RAD50: variants seen among roughly 807,000 people sequenced by gnomAD.
RAD50 encodes the protein DNA repair protein RAD50.
RAD50 carries 132 observed loss-of-function variants against 168.8 expected under a neutral mutation model. That is an observed-to-expected ratio of 0.78 (90% CI 0.68 to 0.90). RAD50 has a LOEUF of 0.90. Ranked by LOEUF, RAD50 falls within the 40% of genes least tolerant of loss-of-function variation. The pLI is 0.00. For synonymous variants in RAD50, 525 were observed against 497.4 expected (o/e 1.06, Z -0.74); for missense variants, 1,347 against 1,534.4 (o/e 0.88, Z 2.04).
chr5:132,609,033 C>G, intron 17 of RAD50, 84 bp from the exon 18 acceptor site: 1 of 1,555,342 alleles, frequency 6.4e-7, no homozygotes, highest in Admixed American at 1.9e-5. Flanking sequence ...ATGTTCATAA[C>G]TTCCCAGCCA....
chr5:132,621,184 G>A (rs769117511), intron 21 of RAD50, among the ~76,000 whole-genome samples: 1 of 152,070 alleles, frequency 6.6e-6, no homozygotes, highest in Non-Finnish European at 1.5e-5. Context: ...TATCACCTTG[G>A]AACATGTTAG....
At chr5:132,578,620 G>A (rs988773810) in intron 3 of RAD50, among the ~76,000 whole-genome samples, 35 of 133,816 alleles carry the variant, frequency 2.6e-4, no homozygotes, top group African/African-American at 9.6e-4. Context: ...CAACCTCACC[G>A]AGTTCAAGTG....
intron 2 of RAD50, among the ~76,000 whole-genome samples, chr5:132,559,928 A>G (rs1467228980): frequency 6.6e-6 from 1 of 152,184 alleles, no homozygotes. Context: ...AAAAAGTATC[A>G]TGATAAAAAT....
chr5:132,580,291 A>G (rs770293380), intron 5 of RAD50, among the ~76,000 whole-genome samples: 1 of 152,182 alleles, frequency 6.6e-6, no homozygotes, highest in Non-Finnish European at 1.5e-5. Flanking sequence ...CTTGTATACT[A>G]AATAGGTAGT....
intron 19 of RAD50, among the ~76,000 whole-genome samples, chr5:132,613,741 C>T (rs982279188): frequency 2.6e-5 from 4 of 151,658 alleles, no homozygotes; most frequent in East Asian, 1.9e-4. Context: ...GGGCTACAGG[C>T]GAGTGCCACC....
chr5:132,640,356 A>G (rs1393537298), intron 23 of RAD50, among the ~76,000 whole-genome samples: 1 of 152,178 alleles, frequency 6.6e-6, no homozygotes, highest in Admixed American at 6.5e-5. Context: ...TTACAGATAA[A>G]TGGCATTGTC....
intron 11 of RAD50, among the ~76,000 whole-genome samples, 174 bp from the exon 12 acceptor site, chr5:132,594,695 G>C (rs113141212): frequency 1.9e-4 from 29 of 152,248 alleles, no homozygotes; most frequent in African/African-American, 4.3e-4. Flanking sequence ...AGTGTCCTAG[G>C]GGGAGAGTTA....
intron 22 of RAD50, 81 bp from the exon 23 acceptor site, chr5:132,638,000 C>G: frequency 6.8e-7 from 1 of 1,460,856 alleles, no homozygotes; most frequent in African/African-American, 1.4e-5. Flanking sequence ...TCTGTTGTTC[C>G]TAGGCTTACT....
intron 13 of RAD50, among the ~76,000 whole-genome samples, chr5:132,597,613 A>C (rs1750813735): frequency 6.6e-6 from 1 of 152,224 alleles, no homozygotes; most frequent in African/African-American, 2.4e-5. Flanking sequence ...GTTTGGAAGC[A>C]GACTTTGTAG....
chr5:132,608,975 G>T, intron 17 of RAD50, 142 bp from the exon 18 acceptor site: 1 of 1,305,020 alleles, frequency 7.7e-7, no homozygotes, highest in Non-Finnish European at 1.0e-6. Flanking sequence ...GTGAGAAAGG[G>T]ACTTGTCTGC....
intron 13 of RAD50, among the ~76,000 whole-genome samples, chr5:132,597,732 A>T (rs1750815947): frequency 6.6e-6 from 1 of 152,228 alleles, no homozygotes; most frequent in African/African-American, 2.4e-5. Flanking sequence ...CTGAGAAATA[A>T]TAAGTGCTGT....
At position 132,594,998 on chromosome 5, in the gene RAD50, T is replaced by G. The variant is rs2149843755; in HGVS notation, c.1923T>G (p.Asp641Glu). The G allele has an allele frequency of 6.2e-7, 1 of 1,613,918 alleles. No homozygotes were observed. The highest frequency in any genetic ancestry group is 8.5e-7 in the Non-Finnish European group (1 of 1,179,806). The change falls in exon 12 of 25, where the codon GAT becomes GAG. Residue 641 changes from aspartate to glutamate, a missense_variant. This residue lies in a region of RAD50 where 703 missense variants were observed against 767.7 expected (regional missense o/e 0.92). Transcript: ENST00000378823. ...GTGGTAGCCAGGATTTTGAAAGTGA[T>G]TTAGACAGGCTTAAAGAGGAAATTG... ...DVCGSQDFES[D>E]LDRLKEEIEK...
At chr5:132,566,648 A>C (rs1750213522) in intron 2 of RAD50, among the ~76,000 whole-genome samples, 2 of 152,204 alleles carry the variant, frequency 1.3e-5, no homozygotes, top group South Asian at 2.1e-4. Flanking sequence ...TAAAGACAAA[A>C]TAATTCTTCT....
chr5:132,587,431 C>T (rs1750612236), intron 5 of RAD50, 131 bp from the exon 6 acceptor site: 1 of 1,348,438 alleles, frequency 7.4e-7, no homozygotes, highest in Non-Finnish European at 9.9e-7. Flanking sequence ...GCCTGCTCTA[C>T]AGTGTTATTG....
intron 19 of RAD50, among the ~76,000 whole-genome samples, chr5:132,611,084 T>C (rs1378417282): frequency 6.6e-6 from 1 of 152,148 alleles, no homozygotes. Flanking sequence ...TTGCTGAAGA[T>C]TCTAGTAGTC....
At chr5:132,619,152 G>T (rs917256698) in intron 21 of RAD50, among the ~76,000 whole-genome samples, 1 of 152,048 alleles carries the variant, frequency 6.6e-6, no homozygotes, top group African/African-American at 2.4e-5. Context: ...GACATTTGGG[G>T]TTTTTTTCCA....
chr5:132,618,245 A>G lies in RAD50; in HGVS notation c.3340A>G (p.Thr1114Ala), dbSNP rs746752117. The G allele has an allele frequency of 1.2e-6, 2 of 1,613,922 alleles. No homozygotes were observed. Among genetic ancestry groups the G allele is most frequent in the Non-Finnish European group, 1.7e-6 (2 of 1,179,960 alleles). The change falls in exon 21 of 25, where the codon ACA becomes GCA. Residue 1114 changes from threonine (T) to alanine (A), a missense_variant. Physicochemically the swap from Thr to Ala is moderately conservative, Grantham distance 58. Around this residue, in one of 3 missense-constraint regions of RAD50, gnomAD observed 635 missense variants for 739.2 expected, o/e 0.86. Coordinates refer to ENST00000378823, the MANE Select transcript of RAD50 (RefSeq NM_005732.4). The stretch of plus-strand genomic sequence containing the variant: ...AGAAATGATGATTGTTATGAGGACA[A>G]CAGAACTTGTGAACAAGGATCTGGA... ...YREMMIVMRT[T>A]ELVNKDLDIY...
intron 19 of RAD50, among the ~76,000 whole-genome samples, chr5:132,609,652 C>T (rs1412263175): frequency 2.0e-5 from 3 of 151,990 alleles, no homozygotes; most frequent in Non-Finnish European, 2.9e-5. Context: ...CGTGGCGGCG[C>T]GCACCTGTAG....
At chr5:132,578,693 A>AT (rs879750076) in intron 3 of RAD50, among the ~76,000 whole-genome samples, 3 of 151,264 alleles carry the variant, frequency 2.0e-5, no homozygotes, top group Admixed American at 6.6e-5. Flanking sequence ...CACCTGGCTA[A>AT]TTTTTTTGTA....
Sources: gnomAD v4.1 joint callset for allele counts (sites outside exome capture counted in the v4.1 genomes callset) on GRCh38, gnomAD v4.1.1 for gene constraint, gnomAD v4.1.1 regional missense constraint, MANE v1.5 for transcripts, NCBI Gene and HGNC (gene_info 2026-07-23, HGNC 2026-07-21) for gene names.